LRBA: variants seen among roughly 807,000 people sequenced by gnomAD.
LRBA encodes the protein LPS responsive beige-like anchor protein, also known as lipopolysaccharide-responsive and beige-like anchor protein.
LRBA carries 176 observed loss-of-function variants against 330.0 expected under a neutral mutation model. The ratio of observed to expected loss-of-function variants is 0.53; its 90% confidence interval spans 0.47 to 0.60. LRBA has a LOEUF of 0.60. LRBA is among the 20% of genes least tolerant of loss of function. LRBA has a pLI of 0.00. For synonymous variants in LRBA, 1,230 were observed against 1,193.0 expected, an observed-to-expected ratio of 1.03 and a Z score of -0.64; for missense variants, 3,259 against 3,444.8, an observed-to-expected ratio of 0.95 and a Z score of 1.35.
At chr4:150,682,195 C>T (rs1038010554) in intron 37 of LRBA, among the ~76,000 whole-genome samples, 5 of 152,180 alleles carry the variant, frequency 3.3e-5, no homozygotes, top group Admixed American at 2.6e-4. Context: ...CTAATTCATT[C>T]AGTATCTGAT....
intron 47 of LRBA, among the ~76,000 whole-genome samples, chr4:150,355,152 G>A (rs1737672277): frequency 1.3e-5 from 2 of 151,962 alleles, no homozygotes; most frequent in South Asian, 4.2e-4. Flanking sequence ...AGCTATTTGA[G>A]AATAAAAATT....
intron 40 of LRBA, chr4:150,584,140 A>C: frequency 6.7e-7 from 1 of 1,502,808 alleles, no homozygotes; most frequent in East Asian, 2.3e-5. Flanking sequence ...AAGCGACACA[A>C]ACGGGCGTGC....
intron 37 of LRBA, among the ~76,000 whole-genome samples, chr4:150,622,788 C>T (rs1283494057): frequency 6.7e-6 from 1 of 149,800 alleles, no homozygotes; most frequent in Non-Finnish European, 1.5e-5. Flanking sequence ...AGCTCCGCCT[C>T]CTGGGTTCAG....
chr4:150,735,420 T>A, intron 35 of LRBA, 54 bp from the exon 36 acceptor site: 2 of 1,166,376 alleles, frequency 1.7e-6, no homozygotes, highest in East Asian at 2.3e-5. Context: ...ACAACATAAA[T>A]GATTATTCAC....
intron 56 of LRBA, among the ~76,000 whole-genome samples, chr4:150,272,654 A>G (rs1439876173): frequency 6.6e-6 from 1 of 151,884 alleles, no homozygotes; most frequent in Non-Finnish European, 1.5e-5. Flanking sequence ...CAGCACGAGA[A>G]CTTCATGAAG....
intron 48 of LRBA, among the ~76,000 whole-genome samples, chr4:150,328,410 T>C (rs1441856781): frequency 6.6e-6 from 1 of 152,146 alleles, no homozygotes; most frequent in Non-Finnish European, 1.5e-5. Flanking sequence ...TTTTTTTATC[T>C]TTCTCTCTTG....
chr4:150,542,003 T>A (rs1765367125), intron 40 of LRBA, among the ~76,000 whole-genome samples: 1 of 152,200 alleles, frequency 6.6e-6, no homozygotes, highest in African/African-American at 2.4e-5. Flanking sequence ...ACTTACAATA[T>A]TTACTGCATA....
chr4:150,425,960 T>A (rs1243487316), intron 46 of LRBA, among the ~76,000 whole-genome samples: 1 of 151,930 alleles, frequency 6.6e-6, no homozygotes, highest in African/African-American at 2.4e-5. Context: ...AAAAATGATT[T>A]AAAAAATTGA....
intron 47 of LRBA, among the ~76,000 whole-genome samples, chr4:150,392,642 T>C (rs1265913762): frequency 3.3e-5 from 5 of 152,136 alleles, no homozygotes; most frequent in Non-Finnish European, 7.3e-5. Flanking sequence ...ACTGTTGGTG[T>C]ATAGGAATGC....
intron 47 of LRBA, among the ~76,000 whole-genome samples, chr4:150,353,330 G>A (rs890672076): frequency 5.3e-5 from 8 of 152,022 alleles, no homozygotes; most frequent in Non-Finnish European, 1.2e-4. Context: ...CTGCATCCAA[G>A]CTAATTAAAA....
intron 36 of LRBA, among the ~76,000 whole-genome samples, chr4:150,727,669 G>T (rs896439030): frequency 6.6e-5 from 10 of 151,724 alleles, no homozygotes; most frequent in African/African-American, 2.4e-4. Flanking sequence ...TCAAACAAAT[G>T]ATAATAAAAA....
chr4:150,539,101 G>A (rs969277335), intron 40 of LRBA, among the ~76,000 whole-genome samples: 11 of 151,956 alleles, frequency 7.2e-5, no homozygotes, highest in East Asian at 3.9e-4. Flanking sequence ...TCAGGCTCCC[G>A]AGTAGCTGGG....
At chr4:150,849,395 A>G (rs554182041) in intron 25 of LRBA, 27 bp downstream of exon 25, 3 of 1,608,616 alleles carry the variant, frequency 1.9e-6, no homozygotes, top group Non-Finnish European at 1.7e-6. Flanking sequence ...TTTTCACACC[A>G]ATTTTCTATA....
At chr4:150,481,877 C>A (rs1757340738) in intron 42 of LRBA, among the ~76,000 whole-genome samples, 1 of 152,038 alleles carries the variant, frequency 6.6e-6, no homozygotes, top group African/African-American at 2.4e-5. Flanking sequence ...TGGAATAAAA[C>A]TGCTATTAAT....
chr4:150,726,478 C>T (rs577094415), intron 36 of LRBA, among the ~76,000 whole-genome samples: 3 of 152,058 alleles, frequency 2.0e-5, no homozygotes, highest in South Asian at 2.1e-4. Flanking sequence ...TGTATTAGTC[C>T]GTTTTCACAC....
At chr4:150,757,079 T>C (rs1734412183) in intron 35 of LRBA, among the ~76,000 whole-genome samples, 1 of 152,160 alleles carries the variant, frequency 6.6e-6, no homozygotes, top group South Asian at 2.1e-4. Context: ...TTTTTCTCTT[T>C]AAAGTCATCA....
chr4:150,845,708 G>T (rs1420834519), intron 26 of LRBA, among the ~76,000 whole-genome samples: 1 of 152,126 alleles, frequency 6.6e-6, no homozygotes, highest in East Asian at 1.9e-4. Flanking sequence ...TGCCCAAAGA[G>T]AGCAATAAAA....
intron 9 of LRBA, among the ~76,000 whole-genome samples, chr4:150,909,320 TTC>T (rs1228493771): frequency 7.2e-5 from 11 of 152,292 alleles, no homozygotes; most frequent in Non-Finnish European, 1.5e-4. Flanking sequence ...CAATTCTACT[TTC>T]TGTTTCTATG....
At chr4:150,307,375 A>G (rs1730491545) in intron 52 of LRBA, among the ~76,000 whole-genome samples, 1 of 152,138 alleles carries the variant, frequency 6.6e-6, no homozygotes, top group Admixed American at 6.6e-5. Context: ...CTGTAAACCA[A>G]AAAGAGTGGT....
Sources: gnomAD v4.1 joint callset for allele counts (sites outside exome capture counted in the v4.1 genomes callset) on GRCh38, gnomAD v4.1.1 for gene constraint, MANE v1.5 for transcripts, NCBI Gene and HGNC (gene_info 2026-07-23, HGNC 2026-07-21) for gene names.